The following RBFOX1 variants were observed in gnomAD, a reference collection of about 807,000 sequenced individuals.
The protein encoded by RBFOX1 is RNA binding protein fox-1 homolog 1.
A neutral mutation model predicts 57.7 loss-of-function variants in RBFOX1; 8 were observed. The ratio of observed to expected loss-of-function variants is 0.14; its 90% CI spans 0.08 to 0.25. RBFOX1 has a LOEUF of 0.25. Among genes scored for constraint, RBFOX1 ranks in the 10% least tolerant of loss-of-function variants. RBFOX1 has a pLI of 1.00. For missense variants in RBFOX1, 611 were observed against 548.5 expected, an observed-to-expected ratio of 1.11 and a Z score of -1.14; for synonymous variants, 326 against 222.4, an observed-to-expected ratio of 1.47 and a Z score of -4.15.
chr16:7,699,384 G>A (rs978522805), intron 14 of RBFOX1, among the ~76,000 whole-genome samples: 4 of 152,090 alleles, frequency 2.6e-5, no homozygotes, highest in Admixed American at 6.6e-5. Flanking sequence ...AAGAAATGGG[G>A]TCTTGTTCTA....
Position 6,332,592 on chromosome 16 carries a change from T to C in RBFOX1, c.-64+15535T>C, listed in dbSNP as rs562235476. Among the ~76,000 whole-genome samples, 5 of 152,316 alleles carry C rather than the reference T, an allele frequency of 3.3e-5. No homozygotes were observed. The East Asian group carries it at 5.8e-4, about 18-fold the overall frequency. Reference sequence around the variant, plus strand: ...AAAATGTTCATGTCACAGCATAGCGTGCTGTTATATCTTCATACACACACA... The same window carrying C: ...AAAATGTTCATGTCACAGCATAGCGCGCTGTTATATCTTCATACACACACA... On this transcript the variant is annotated intron_variant, in intron 2 of 15. Transcript: ENST00000550418.
intron 4 of RBFOX1, among the ~76,000 whole-genome samples, chr16:7,192,038 T>C (rs1602460227): frequency 6.6e-6 from 1 of 152,306 alleles, no homozygotes; most frequent in South Asian, 2.1e-4. Context: ...AGGGAAACAG[T>C]TTTTAATCTA....
intron 3 of RBFOX1, among the ~76,000 whole-genome samples, chr16:7,025,908 T>C (rs1328540725): frequency 1.3e-5 from 2 of 152,036 alleles, no homozygotes; most frequent in African/African-American, 2.4e-5. Context: ...ACTTCAGGGA[T>C]GCCTAGACCC....
chr16:7,159,408 C>T (rs921240733), intron 4 of RBFOX1, among the ~76,000 whole-genome samples: 4 of 152,004 alleles, frequency 2.6e-5, no homozygotes, highest in South Asian at 2.1e-4. Context: ...GAATCAGAAA[C>T]GGGACAGGAT....
intron 3 of RBFOX1, among the ~76,000 whole-genome samples, chr16:6,891,021 A>C (rs2065286618): frequency 6.6e-6 from 1 of 152,136 alleles, no homozygotes; most frequent in African/African-American, 2.4e-5. Flanking sequence ...GAACGTTTTG[A>C]GGACAGGAGT....
intron 14 of RBFOX1, among the ~76,000 whole-genome samples, chr16:7,687,553 C>T (rs1431348740): frequency 6.6e-6 from 1 of 151,962 alleles, no homozygotes; most frequent in Non-Finnish European, 1.5e-5. Context: ...ATCCTATCTG[C>T]ATATTATGTT....
intron 4 of RBFOX1, among the ~76,000 whole-genome samples, chr16:7,461,285 A>G (rs1443583129): frequency 3.3e-5 from 5 of 151,916 alleles, no homozygotes; most frequent in Non-Finnish European, 1.5e-5. Context: ...CTCCTGCCTC[A>G]GCCTCCCAAG....
intron 3 of RBFOX1, among the ~76,000 whole-genome samples, chr16:6,774,608 G>T (rs1250254599): frequency 6.6e-6 from 1 of 152,092 alleles, no homozygotes; most frequent in Non-Finnish European, 1.5e-5. Flanking sequence ...CAGCTATATA[G>T]AGTCATCTAT....
At chr16:6,951,715 A>T (rs62017756) in intron 3 of RBFOX1, among the ~76,000 whole-genome samples, 1 of 151,892 alleles carries the variant, frequency 6.6e-6, no homozygotes, top group Non-Finnish European at 1.5e-5. Context: ...ATTCAAGGAG[A>T]GACTCCACAC....
chr16:6,564,973 T>A (rs2097238885), intron 2 of RBFOX1, among the ~76,000 whole-genome samples: 1 of 152,016 alleles, frequency 6.6e-6, no homozygotes, highest in Non-Finnish European at 1.5e-5. Flanking sequence ...AAACCCCATT[T>A]GTACTAAAAA....
intron 2 of RBFOX1, among the ~76,000 whole-genome samples, chr16:5,500,195 T>TCATTC (rs563738734): frequency 7.8e-6 from 1 of 127,734 alleles, no homozygotes; most frequent in Admixed American, 7.7e-5. Context: ...CTCCCTCCCT[T>TCATTC]CATTCCATTC....
At chr16:5,922,305 AT>A (rs2152231050) in intron 4 of RBFOX1, among the ~76,000 whole-genome samples, 1 of 152,292 alleles carries the variant, frequency 6.6e-6, no homozygotes, top group African/African-American at 2.4e-5. Flanking sequence ...CTGGGATCAC[AT>A]TTTGACTTGA....
rs577286077 is a variant in RBFOX1 at position 7,371,770 on chromosome 16, T to C, written c.28-146377T>C. Among the ~76,000 whole-genome samples, 41 of 152,222 alleles carry C rather than the reference T, an allele frequency of 2.7e-4. 1 individual carries two copies. The highest frequency in any genetic ancestry group is 3.4e-3 in the Middle Eastern group (1 of 294). ...TATCTGCAAAAAAGAAAAAAAGATA[T>C]GTAGATATATGATACATACATGTGC... is the stretch of plus-strand genomic sequence containing the variant. On this transcript the variant is annotated intron_variant, in intron 4 of 15. Coordinates refer to ENST00000550418, the MANE Select transcript of RBFOX1 (RefSeq NM_018723.4).
intron 2 of RBFOX1, among the ~76,000 whole-genome samples, chr16:6,474,485 A>G (rs2095242142): frequency 6.6e-6 from 1 of 152,188 alleles, no homozygotes; most frequent in Admixed American, 6.5e-5. Flanking sequence ...TTTTAGTTTA[A>G]AAGGCAATTA....
At chr16:5,906,186 C>T (rs980917016) in intron 4 of RBFOX1, among the ~76,000 whole-genome samples, 2 of 152,118 alleles carry the variant, frequency 1.3e-5, no homozygotes, top group Admixed American at 6.5e-5. Flanking sequence ...GGCCTCAGTG[C>T]CTCAGACTGT....
upstream of RBFOX1, among the ~76,000 whole-genome samples, chr16:6,014,646 G>C (rs888144202): frequency 2.0e-5 from 3 of 152,124 alleles, no homozygotes; most frequent in Non-Finnish European, 4.4e-5. Flanking sequence ...TAGTTCATTA[G>C]TTGACTCCGT....
chr16:5,902,623 C>T (rs544847617), intron 4 of RBFOX1, among the ~76,000 whole-genome samples: 95 of 152,156 alleles, frequency 6.2e-4, no homozygotes, highest in South Asian at 1.7e-3. Flanking sequence ...ACTATGTTAG[C>T]CAGGCTGGTC....
chr16:5,293,383 T>G (rs191290803), intron 1 of RBFOX1, among the ~76,000 whole-genome samples: 40 of 152,248 alleles, frequency 2.6e-4, no homozygotes, highest in African/African-American at 9.6e-4. Flanking sequence ...CCACAAATAG[T>G]CATCTTCAAT....
intron 3 of RBFOX1, among the ~76,000 whole-genome samples, chr16:5,636,675 G>T (rs2048695499): frequency 6.6e-6 from 1 of 152,154 alleles, no homozygotes; most frequent in Non-Finnish European, 1.5e-5. Flanking sequence ...CAAAATTCTT[G>T]GTAGACCTGA....
Sources: allele counts gnomAD v4.1 joint callset (sites outside exome capture counted in the v4.1 genomes callset), GRCh38; gene constraint gnomAD v4.1.1; transcripts MANE v1.5; gene names NCBI Gene and HGNC (gene_info 2026-07-23, HGNC 2026-07-21).